CRIM1: variants seen among roughly 807,000 people sequenced by gnomAD.
CRIM1 encodes cysteine-rich motor neuron 1 protein.
A neutral mutation model predicts 116.4 loss-of-function variants in CRIM1; 32 were observed. The ratio of observed to expected loss-of-function variants is 0.27; its 90% CI spans 0.21 to 0.37. The LOEUF (loss-of-function observed/expected upper bound fraction) is 0.37, where lower values mean the gene tolerates loss of function less well. Among genes scored for constraint, CRIM1 ranks in the 10% least tolerant of loss-of-function variants. The pLI, the probability that CRIM1 is intolerant of heterozygous loss-of-function variation, is 1.00. For missense variants in CRIM1, 1,331 were observed against 1,354.8 expected (o/e 0.98, Z 0.28); for synonymous variants, 590 against 509.2 (o/e 1.16, Z -2.13).
intron 2 of CRIM1, among the ~76,000 whole-genome samples, chr2:36,423,799 C>T (rs1001784792): frequency 1.8e-4 from 27 of 152,284 alleles, no homozygotes; most frequent in Non-Finnish European, 3.2e-4. Context: ...TAGATGCTTA[C>T]TTATGCACCA....
chr2:36,473,379 A>G (rs1199124616), intron 5 of CRIM1, among the ~76,000 whole-genome samples: 1 of 152,150 alleles, frequency 6.6e-6, no homozygotes, highest in Non-Finnish European at 1.5e-5. Context: ...AGGAGACACC[A>G]TGCAATTTAC....
At chr2:36,454,991 G>A (rs1419300096) in intron 4 of CRIM1, among the ~76,000 whole-genome samples, 1 of 152,184 alleles carries the variant, frequency 6.6e-6, no homozygotes. Flanking sequence ...TTTGGGCTCC[G>A]TTGTTAAAGA....
At chr2:36,442,184 C>T (rs1023270268) in intron 3 of CRIM1, among the ~76,000 whole-genome samples, 44 of 151,898 alleles carry the variant, frequency 2.9e-4, no homozygotes, top group African/African-American at 1.0e-3. Flanking sequence ...GCGATTTCCT[C>T]TTTGCAAGTT....
At chr2:36,487,559 T>TA (rs34362565) in intron 7 of CRIM1, among the ~76,000 whole-genome samples, 89,581 of 145,588 alleles carry the variant, frequency 0.62, 27,772 homozygotes, top group East Asian at 0.89. Flanking sequence ...AAGTCTGGTT[T>TA]AAAAAAAAAA....
At chr2:36,474,833 G>A (rs903558061) in intron 5 of CRIM1, among the ~76,000 whole-genome samples, 7 of 95,270 alleles carry the variant, frequency 7.3e-5, no homozygotes, top group Admixed American at 3.0e-4. Flanking sequence ...GGGTGACAGA[G>A]TGAGACTCTA....
At chr2:36,471,418 C>T (rs1678503929) in intron 5 of CRIM1, among the ~76,000 whole-genome samples, 1 of 152,076 alleles carries the variant, frequency 6.6e-6, no homozygotes, top group South Asian at 2.1e-4. Context: ...AAGAAATTGC[C>T]ACAGCCACCC....
chr2:36,365,697 G>T (rs1020314038), intron 1 of CRIM1, among the ~76,000 whole-genome samples: 1 of 151,380 alleles, frequency 6.6e-6, no homozygotes, highest in African/African-American at 2.4e-5. Flanking sequence ...TGTGGGTATG[G>T]TCCCATTTTA....
chr2:36,550,801 CTT>C lies in CRIM1; in HGVS notation c.*2102_*2103del, dbSNP rs1374204529. ...TTAATCCATTCCTGGCATAAAAAGTCTTTATCAAAAAAAATTGTAGATGCTTG... is the reference window on the plus strand; with the variant it reads ...TTAATCCATTCCTGGCATAAAAAGTCTATCAAAAAAAATTGTAGATGCTTG... On this transcript the variant is annotated 3_prime_UTR_variant, in exon 17 of 17. Coordinates refer to ENST00000280527, the MANE Select transcript of CRIM1 (RefSeq NM_016441.3). 6.6e-6 allele frequency: 1 copy of C among 152,220 alleles called. No homozygotes were observed. The highest frequency in any genetic ancestry group is 2.4e-5 in the African/African-American group (1 of 41,356). The allele number at this position is 152,220 out of a possible 1,614,324, so 9.4% of individuals were successfully genotyped here. A position where few individuals can be genotyped will look rare whatever the true frequency, so the allele number is the denominator to read the frequency against.
intron 4 of CRIM1, among the ~76,000 whole-genome samples, chr2:36,448,644 T>TACCA (rs1553387763): frequency 6.6e-6 from 1 of 151,910 alleles, no homozygotes. Context: ...TTGTACCTTT[T>TACCA]TATTATTGAC....
chr2:36,411,831 T>TA (rs1673232417), intron 2 of CRIM1, among the ~76,000 whole-genome samples: 2 of 152,190 alleles, frequency 1.3e-5, no homozygotes, highest in Non-Finnish European at 2.9e-5. Flanking sequence ...CAGTGGTTCG[T>TA]TTCTAAGAAT....
intron 14 of CRIM1, among the ~76,000 whole-genome samples, chr2:36,540,491 G>A (rs1455924974): frequency 6.6e-6 from 1 of 152,188 alleles, no homozygotes; most frequent in Non-Finnish European, 1.5e-5. Context: ...ACCCAACCAA[G>A]ACCTGAGATG....
Position 36,442,640 on chromosome 2 carries a change from G to C in CRIM1, c.774G>C (p.Val258=). 6.2e-7 allele frequency: 1 copy of C among 1,614,128 alleles called. No homozygotes were observed. Among genetic ancestry groups the C allele is most frequent in the South Asian group, 1.1e-5 (1 of 91,084 alleles). The change falls in exon 4 of 17, where the codon GTG becomes GTC. Residue 258 remains valine (V), a synonymous_variant. Transcript: ENST00000280527. ...TTTTCGGCGTGGACTGCAGGACTGT[G>C]GAATGCCCTCCTGTTCAGCAGACCG... ...KPVFGVDCRT[V]ECPPVQQTAC...
At chr2:36,365,474 G>A (rs1030320865) in intron 1 of CRIM1, among the ~76,000 whole-genome samples, 6 of 152,142 alleles carry the variant, frequency 3.9e-5, no homozygotes, top group East Asian at 3.9e-4. Flanking sequence ...AGACCACTGC[G>A]GGCTTGGGAA....
In CRIM1 at chr2:36,436,923, C is replaced by T. The variant is rs1309714511; in HGVS notation, c.506-4335C>T. ...ACATATAAATTACTTAGCAACAAGTCACACTGAAAGCAATACATTATCAAA... is the reference window on the plus strand; with the variant it reads ...ACATATAAATTACTTAGCAACAAGTTACACTGAAAGCAATACATTATCAAA... On this transcript the variant is annotated intron_variant, in intron 2 of 16. Transcript: ENST00000280527. 3.3e-5 allele frequency among the ~76,000 whole-genome samples: 5 copies of T among 152,188 alleles called. No individual in the cohort carries two copies. In the East Asian group the frequency reaches 9.6e-4, roughly 29 times the overall value.
chr2:36,546,424 C>G (rs1667334113), intron 15 of CRIM1, among the ~76,000 whole-genome samples: 1 of 152,092 alleles, frequency 6.6e-6, no homozygotes, highest in Admixed American at 6.5e-5. Flanking sequence ...AGATTTTCAA[C>G]AAGTTTATGA....
chr2:36,432,258 C>G (rs1485079063), intron 2 of CRIM1, among the ~76,000 whole-genome samples: 3 of 152,082 alleles, frequency 2.0e-5, no homozygotes, highest in Non-Finnish European at 4.4e-5. Flanking sequence ...GTTTTGAAAC[C>G]AGTCTTTAGT....
intron 1 of CRIM1, among the ~76,000 whole-genome samples, chr2:36,368,006 A>T (rs577793975): frequency 3.9e-5 from 6 of 152,328 alleles, no homozygotes; most frequent in African/African-American, 1.4e-4. Flanking sequence ...CCAAATTCAC[A>T]TGCTCATTTC....
intron 15 of CRIM1, among the ~76,000 whole-genome samples, chr2:36,545,985 C>G (rs1439301578): frequency 1.3e-5 from 2 of 152,064 alleles, no homozygotes; most frequent in African/African-American, 4.8e-5. Flanking sequence ...TTCTACCTCC[C>G]ATTCCTCCCT....
chr2:36,509,773 C>CT (rs1373285875), intron 8 of CRIM1, among the ~76,000 whole-genome samples: 4 of 152,110 alleles, frequency 2.6e-5, no homozygotes, highest in African/African-American at 9.7e-5. Flanking sequence ...CAAAGTTGGA[C>CT]TTTATTTTGT....
Sources: gnomAD v4.1 joint callset for allele counts (sites outside exome capture counted in the v4.1 genomes callset) on GRCh38, gnomAD v4.1.1 for gene constraint, MANE v1.5 for transcripts, NCBI Gene and HGNC (gene_info 2026-07-23, HGNC 2026-07-21) for gene names.